Variants in TEX2 observed in about 807,000 individuals in gnomAD.
TEX2 encodes testis expressed 2.
Under a neutral mutation model 106.9 loss-of-function variants are expected in TEX2, and 53 were observed. The ratio of observed to expected loss-of-function variants is 0.50; its 90% CI spans 0.40 to 0.62. The LOEUF (loss-of-function observed/expected upper bound fraction) is 0.62, where lower values mean the gene tolerates loss of function less well. Among genes scored for constraint, TEX2 ranks in the 20% least tolerant of loss-of-function variants. The pLI, the probability that TEX2 is intolerant of heterozygous loss-of-function variation, is 0.00. For missense variants in TEX2, 1,207 were observed against 1,379.0 expected, an observed-to-expected ratio of 0.88 and a Z score of 1.98; for synonymous variants, 523 against 534.8, an observed-to-expected ratio of 0.98 and a Z score of 0.30.
At chr17:64,258,763 CTTT>C (rs35559246) in intron 1 of TEX2, among the ~76,000 whole-genome samples, 2 of 146,668 alleles carry the variant, frequency 1.4e-5, no homozygotes, top group Non-Finnish European at 3.0e-5. Context: ...GGAAGAGAGA[CTTT>C]TTTTTTTTTT....
chr17:64,194,788 C>T (rs746009255), intron 3 of TEX2, 107 bp downstream of exon 3: 24 of 1,053,322 alleles, frequency 2.3e-5, no homozygotes, highest in Non-Finnish European at 3.0e-5. Context: ...GTATACTGTT[C>T]AACGACCACA....
In TEX2 at chr17:64,205,922, T is replaced by C. The variant is rs1217714330; in HGVS notation, c.1644+6652A>G. On this transcript the variant is annotated intron_variant, in intron 2 of 11. Transcript: ENST00000584379. This position sits in a 1 kb window ranked among gnomAD's most constrained non-coding sequence, Gnocchi z 4.0. ...CTGCTGGTGGTTTATAAATCTGAGA[T>C]AAAGAATTTGCTCGTGAATATAATT... Among the ~76,000 whole-genome samples the C allele has an allele frequency of 6.6e-6, 1 of 152,186 alleles. No homozygotes were observed. Among genetic ancestry groups the C allele is most frequent in the Non-Finnish European group, 1.5e-5 (1 of 68,020 alleles).
chr17:64,210,956 T>TTTATTA lies in TEX2; in HGVS notation c.1644+1612_1644+1617dup, dbSNP rs782136569. 1.6e-3 allele frequency among the ~76,000 whole-genome samples: 247 copies of TTTATTA among 151,520 alleles called. 2 individuals carry two copies. Among genetic ancestry groups the TTTATTA allele is most frequent in the Middle Eastern group, 3.4e-3 (1 of 294 alleles). On this transcript the variant is annotated intron_variant, in intron 2 of 11. Coordinates refer to ENST00000584379, the MANE Select transcript of TEX2 (RefSeq NM_001288732.2). ...TCCAAAGCCTACCTCTGTTACTTAT[T>TTTATTA]TTATTATTATTATTATTATTTTTGA...
chr17:64,183,724 G>A (rs752061032), intron 5 of TEX2, among the ~76,000 whole-genome samples: 1 of 151,852 alleles, frequency 6.6e-6, no homozygotes. Context: ...CACCGCACCC[G>A]GCCAAGGATT....
intron 1 of TEX2, among the ~76,000 whole-genome samples, chr17:64,227,476 G>A (rs2033538938): frequency 6.6e-6 from 1 of 151,998 alleles, no homozygotes; most frequent in African/African-American, 2.4e-5. Flanking sequence ...AAATACTTTT[G>A]TGATCTGGAA....
At chr17:64,251,819 C>A (rs2034098213) in intron 1 of TEX2, among the ~76,000 whole-genome samples, 1 of 152,158 alleles carries the variant, frequency 6.6e-6, no homozygotes, top group Non-Finnish European at 1.5e-5. Context: ...CTTATTACTG[C>A]CTAGAGCCCT....
intron 1 of TEX2, among the ~76,000 whole-genome samples, chr17:64,221,004 T>A (rs189905174): frequency 2.0e-4 from 31 of 152,284 alleles, no homozygotes; most frequent in African/African-American, 7.5e-4. Flanking sequence ...ATATACACCA[T>A]GGAATACTAT....
chr17:64,245,274 T>TA (rs368995303), intron 1 of TEX2, among the ~76,000 whole-genome samples: 7 of 152,212 alleles, frequency 4.6e-5, no homozygotes, highest in African/African-American at 1.7e-4. Context: ...AATTCTATCT[T>TA]AAGAGTCTAG....
At chr17:64,245,950 C>T (rs2033980034) in intron 1 of TEX2, among the ~76,000 whole-genome samples, 1 of 152,228 alleles carries the variant, frequency 6.6e-6, no homozygotes, top group South Asian at 2.1e-4. Context: ...GCATTACTTG[C>T]TCATGAGATG....
intron 6 of TEX2, among the ~76,000 whole-genome samples, chr17:64,171,641 TG>T (rs2031404597): frequency 1.3e-5 from 2 of 152,138 alleles, no homozygotes; most frequent in African/African-American, 2.4e-5. Context: ...TGCTGAAGTA[TG>T]GGAAAACAGA....
At chr17:64,235,442 C>A (rs1555635023) in intron 1 of TEX2, among the ~76,000 whole-genome samples, 1 of 152,200 alleles carries the variant, frequency 6.6e-6, no homozygotes, top group East Asian at 1.9e-4. Flanking sequence ...ACTGGAAAGA[C>A]AAAGACTTTC....
At chr17:64,254,984 C>T (rs1555637474) in intron 1 of TEX2, among the ~76,000 whole-genome samples, 1 of 151,686 alleles carries the variant, frequency 6.6e-6, no homozygotes, top group Non-Finnish European at 1.5e-5. Context: ...CCCAGCTCAG[C>T]CTGCCAAGTA....
At chr17:64,223,116 AAAAC>A (rs1247767269) in intron 1 of TEX2, among the ~76,000 whole-genome samples, 1 of 152,150 alleles carries the variant, frequency 6.6e-6, no homozygotes, top group African/African-American at 2.4e-5. Context: ...GAACTCATAA[AAAAC>A]AAAGGCCTCA....
chr17:64,208,885 C>G (rs963658691), intron 2 of TEX2, among the ~76,000 whole-genome samples: 2 of 152,174 alleles, frequency 1.3e-5, no homozygotes, highest in Admixed American at 1.3e-4. Context: ...CCTCAGCCTC[C>G]CAAAGCTCTG....
intron 10 of TEX2, 48 bp from the exon 11 acceptor site, chr17:64,151,009 G>A: frequency 6.2e-7 from 1 of 1,605,882 alleles, no homozygotes; most frequent in Non-Finnish European, 8.5e-7. Flanking sequence ...AGCAAGGAAT[G>A]AGACAGGCAC....
At chr17:64,238,547 G>A (rs898778002) in intron 1 of TEX2, among the ~76,000 whole-genome samples, 18 of 152,180 alleles carry the variant, frequency 1.2e-4, no homozygotes, top group Non-Finnish European at 2.4e-4. Flanking sequence ...TCACATGGCC[G>A]GGAGGCCTCG....
At chr17:64,171,872 C>T (rs953878567) in intron 6 of TEX2, among the ~76,000 whole-genome samples, 7 of 151,398 alleles carry the variant, frequency 4.6e-5, no homozygotes, top group South Asian at 4.2e-4. Context: ...CCCAGCTACT[C>T]GGAGAGGCTG....
intron 1 of TEX2, among the ~76,000 whole-genome samples, chr17:64,215,736 C>T (rs1349548202): frequency 6.6e-6 from 1 of 152,218 alleles, no homozygotes; most frequent in Admixed American, 6.5e-5. Context: ...TCCAACCCAA[C>T]ACAATACGCT....
intron 2 of TEX2, among the ~76,000 whole-genome samples, chr17:64,210,412 C>T (rs2032961732): frequency 6.6e-6 from 1 of 152,084 alleles, no homozygotes; most frequent in Non-Finnish European, 1.5e-5. Flanking sequence ...TGATGCATAT[C>T]TTCATATATG....
Sources: gnomAD v4.1 joint callset for allele counts (sites outside exome capture counted in the v4.1 genomes callset) on GRCh38, gnomAD v4.1.1 for gene constraint, Gnocchi (gnomAD v3.1) non-coding constraint, MANE v1.5 for transcripts, NCBI Gene and HGNC (gene_info 2026-07-23, HGNC 2026-07-21) for gene names.